KCND2: variants seen among roughly 807,000 people sequenced by gnomAD.
KCND2 encodes the protein potassium voltage-gated channel subfamily D member 2, also known as A-type voltage-gated potassium channel KCND2.
Under a neutral mutation model 54.4 loss-of-function variants are expected in KCND2, and 16 were observed. The observed-to-expected ratio is 0.29, with a 90% CI of 0.20 to 0.45. The LOEUF (loss-of-function observed/expected upper bound fraction) is 0.45. KCND2 is among the 20% of genes least tolerant of loss of function. KCND2 has a pLI of 1.00. For missense variants in KCND2, 486 were observed against 824.2 expected (o/e 0.59, Z 5.02); for synonymous variants, 317 against 310.7 (o/e 1.02, Z -0.21).
At chr7:120,357,822 A>G (rs1330157977) in intron 1 of KCND2, among the ~76,000 whole-genome samples, 1 of 151,750 alleles carries the variant, frequency 6.6e-6, no homozygotes, top group Non-Finnish European at 1.5e-5. Flanking sequence ...CTCCTCTTAT[A>G]AGGATATGAG....
At chr7:120,642,224 T>C (rs922938997) in intron 1 of KCND2, among the ~76,000 whole-genome samples, 4 of 152,110 alleles carry the variant, frequency 2.6e-5, no homozygotes, top group Non-Finnish European at 5.9e-5. Flanking sequence ...ATGTTTTTCA[T>C]TACACTCAAC....
Position 120,728,064 on chromosome 7 carries a change from G to A in KCND2, c.1116-4839G>A, listed in dbSNP as rs369552023. Among the ~76,000 whole-genome samples the A allele has an allele frequency of 2.7e-3, 405 of 149,122 alleles. 4 individuals carry two copies. The highest frequency in any genetic ancestry group is 8.9e-3 in the African/African-American group (361 of 40,522). On this transcript the variant is annotated intron_variant, in intron 1 of 5. Transcript: ENST00000331113. ...CACGAGAATCGCTTGAACCCAGGAG[G>A]CAGAGGTTGCAGTGAGCCGAGATGG...
chr7:120,692,945 A>G (rs551466370), intron 1 of KCND2, among the ~76,000 whole-genome samples: 77 of 152,340 alleles, frequency 5.1e-4, no homozygotes, highest in African/African-American at 1.7e-3. Flanking sequence ...TTTCCCCGCA[A>G]AGGAAAAAGG....
At chr7:120,665,965 A>T (rs1442651698) in intron 1 of KCND2, among the ~76,000 whole-genome samples, 1 of 152,110 alleles carries the variant, frequency 6.6e-6, no homozygotes, top group Non-Finnish European at 1.5e-5. Context: ...TAAGTTTTTG[A>T]TTAGACAAAA....
At chr7:120,418,616 G>A (rs1202389816) in intron 1 of KCND2, among the ~76,000 whole-genome samples, 1 of 152,108 alleles carries the variant, frequency 6.6e-6, no homozygotes, top group East Asian at 1.9e-4. Context: ...GGGGACCCTG[G>A]CATGGGTGTT....
chr7:120,726,304 C>T (rs954692379), intron 1 of KCND2, among the ~76,000 whole-genome samples: 4 of 152,130 alleles, frequency 2.6e-5, no homozygotes, highest in African/African-American at 7.2e-5. Context: ...TTCAATACCA[C>T]AAGCAGGTGT....
In KCND2 at chr7:120,290,752, T is replaced by G. The variant is rs181940491; in HGVS notation, c.1115+15005T>G. On this transcript the variant is annotated intron_variant, in intron 1 of 5. Coordinates refer to ENST00000331113, the MANE Select transcript of KCND2 (RefSeq NM_012281.3). Reference sequence around the variant, plus strand: ...ATGGAAATATATATATATGCTTTTTTTTCTTGCATGCCAACTTTATTAAAA... The same window carrying G: ...ATGGAAATATATATATATGCTTTTTGTTCTTGCATGCCAACTTTATTAAAA... Among the ~76,000 whole-genome samples, 6 of 152,126 alleles carry G rather than the reference T, an allele frequency of 3.9e-5. No homozygotes were observed. In the East Asian group the frequency reaches 1.2e-3, roughly 29 times the overall value.
chr7:120,511,349 G>GT (rs1309216282), intron 1 of KCND2, among the ~76,000 whole-genome samples: 1 of 151,980 alleles, frequency 6.6e-6, no homozygotes, highest in African/African-American at 2.4e-5. Context: ...TTGCTCATTT[G>GT]TTTTTTATCT....
chr7:120,722,905 CA>C (rs1466574425), intron 1 of KCND2, among the ~76,000 whole-genome samples: 1 of 152,090 alleles, frequency 6.6e-6, no homozygotes, highest in Non-Finnish European at 1.5e-5. Context: ...TGAACAGTTC[CA>C]GGGGTGTCAG....
intron 1 of KCND2, among the ~76,000 whole-genome samples, chr7:120,715,199 G>A (rs1438920270): frequency 6.6e-6 from 1 of 151,932 alleles, no homozygotes; most frequent in Non-Finnish European, 1.5e-5. Context: ...TTTACAGTAA[G>A]ACTGTTTCTG....
intron 1 of KCND2, among the ~76,000 whole-genome samples, chr7:120,693,899 T>C (rs777335073): frequency 2.0e-5 from 3 of 152,016 alleles, no homozygotes; most frequent in African/African-American, 4.8e-5. Context: ...CATCTGTAAA[T>C]AGAAGGATGC....
In KCND2 at chr7:120,737,078, AC is replaced by A. The variant is rs1356431219; in HGVS notation, c.1278+4014del. On this transcript the variant is annotated intron_variant, in intron 2 of 5. Coordinates refer to ENST00000331113, the MANE Select transcript of KCND2 (RefSeq NM_012281.3). ...CACACACACACACACACACACACAA[AC>A]AAAAAAAAAAAAAACAAAACAAAAA... Among the ~76,000 whole-genome samples, 201 of 137,806 alleles carry A rather than the reference AC, an allele frequency of 1.5e-3. 2 individuals carry two copies. The highest frequency in any genetic ancestry group is 4.5e-3 in the African/African-American group (164 of 36,288). The allele number at this position is 137,806 out of a possible 152,430, so 90.4% of individuals were successfully genotyped here. A position where few individuals can be genotyped will look rare whatever the true frequency, so the allele number is the denominator to read the frequency against.
At chr7:120,618,346 C>T (rs1242570518) in intron 1 of KCND2, among the ~76,000 whole-genome samples, 1 of 152,010 alleles carries the variant, frequency 6.6e-6, no homozygotes, top group Non-Finnish European at 1.5e-5. Context: ...GTCTAAAATG[C>T]CTGTAGATAA....
At chr7:120,670,841 G>A (rs1057281548) in intron 1 of KCND2, among the ~76,000 whole-genome samples, 1 of 151,470 alleles carries the variant, frequency 6.6e-6, no homozygotes, top group Non-Finnish European at 1.5e-5. Flanking sequence ...GCATGAACTT[G>A]GGAGGCGGAG....
At chr7:120,445,461 T>C (rs1802006793) in intron 1 of KCND2, among the ~76,000 whole-genome samples, 3 of 152,140 alleles carry the variant, frequency 2.0e-5, no homozygotes, top group Non-Finnish European at 2.9e-5. Context: ...GTCTACCAGT[T>C]ACCACGTCTG....
At chr7:120,610,718 G>A (rs558674943) in intron 1 of KCND2, among the ~76,000 whole-genome samples, 1 of 152,180 alleles carries the variant, frequency 6.6e-6, no homozygotes, top group East Asian at 1.9e-4. Flanking sequence ...TAGCTGCAGA[G>A]TTTTCTGTTG....
chr7:120,495,557 A>G (rs1274566480), intron 1 of KCND2, among the ~76,000 whole-genome samples: 1 of 152,178 alleles, frequency 6.6e-6, no homozygotes, highest in East Asian at 1.9e-4. Context: ...AATGCCATTA[A>G]CTTTTCCCCA....
At chr7:120,299,999 G>A (rs1260256695) in intron 1 of KCND2, among the ~76,000 whole-genome samples, 1 of 152,116 alleles carries the variant, frequency 6.6e-6, no homozygotes, top group Non-Finnish European at 1.5e-5. Context: ...ACTATTTATA[G>A]TATATATAGC....
At chr7:120,442,570 TATAA>T (rs1339767142) in intron 1 of KCND2, among the ~76,000 whole-genome samples, 2 of 152,020 alleles carry the variant, frequency 1.3e-5, no homozygotes, top group Admixed American at 1.3e-4. Flanking sequence ...TGAAGCAATA[TATAA>T]ATAAAGTATT....
Sources: gnomAD v4.1 joint callset for allele counts (sites outside exome capture counted in the v4.1 genomes callset) on GRCh38, gnomAD v4.1.1 for gene constraint, MANE v1.5 for transcripts, NCBI Gene and HGNC (gene_info 2026-07-23, HGNC 2026-07-21) for gene names.